The following LHX4 variants were observed in gnomAD, a reference collection of about 807,000 sequenced individuals.
LHX4 encodes LIM/homeobox protein Lhx4.
Under a neutral mutation model 39.2 loss-of-function variants are expected in LHX4, and 16 were observed. The observed-to-expected ratio is 0.41, with a 90% confidence interval of 0.28 to 0.62. LHX4 has a LOEUF of 0.62. Ranked by LOEUF, LHX4 falls within the 20% of genes least tolerant of loss-of-function variation. The pLI, the probability that LHX4 is intolerant of heterozygous loss-of-function variation, is 0.33. For missense variants in LHX4, 439 were observed against 511.9 expected (o/e 0.86, Z 1.37); for synonymous variants, 206 against 198.1 (o/e 1.04, Z -0.33).
At chr1:180,236,160 A>C (rs1244983077) in intron 1 of LHX4, among the ~76,000 whole-genome samples, 1 of 151,140 alleles carries the variant, frequency 6.6e-6, no homozygotes, top group East Asian at 1.9e-4. Flanking sequence ...ACAGGGCTGC[A>C]AATACCAGGG....
At chr1:180,253,924 CG>C (rs980212207) in intron 2 of LHX4, among the ~76,000 whole-genome samples, 1 of 152,118 alleles carries the variant, frequency 6.6e-6, no homozygotes, top group African/African-American at 2.4e-5. Flanking sequence ...CCTGGCAGAA[CG>C]GGGTGGGCTG....
At chr1:180,235,143 A>C (rs909288624) in intron 1 of LHX4, among the ~76,000 whole-genome samples, 2 of 152,258 alleles carry the variant, frequency 1.3e-5, no homozygotes, top group African/African-American at 4.8e-5. Context: ...GTCGTAGCCC[A>C]GAAGGGGACA....
At chr1:180,235,603 G>T (rs916370005) in intron 1 of LHX4, among the ~76,000 whole-genome samples, 6 of 152,366 alleles carry the variant, frequency 3.9e-5, no homozygotes, top group African/African-American at 1.4e-4. Flanking sequence ...CGCGCGTTCT[G>T]CGGGTGTTCG....
intron 2 of LHX4, among the ~76,000 whole-genome samples, chr1:180,249,384 A>C (rs150992750): frequency 1.3e-3 from 205 of 152,328 alleles, no homozygotes; most frequent in African/African-American, 4.7e-3. Flanking sequence ...TCTATTACCC[A>C]AGGCAGTGAT....
intron 3 of LHX4, among the ~76,000 whole-genome samples, chr1:180,269,142 G>T (rs183076): frequency 0.026 from 17 of 656 alleles, no homozygotes; most frequent in Non-Finnish European, 0.034. Context: ...AGAGTGTGTG[G>T]GGGGGGGGGT....
intron 4 of LHX4, 120 bp from the exon 5 acceptor site, chr1:180,271,715 T>A: frequency 1.5e-6 from 2 of 1,310,646 alleles, no homozygotes; most frequent in Non-Finnish European, 1.1e-6. Flanking sequence ...CGCATCGCAC[T>A]CCCAGACCTG....
At chr1:180,229,717 G>T (rs1416522544), upstream of LHX4, among the ~76,000 whole-genome samples, 1 of 151,838 alleles carries the variant, frequency 6.6e-6, no homozygotes, top group South Asian at 2.1e-4. Flanking sequence ...AAGACACAGC[G>T]ACGCAGCCCC....
At position 180,232,788 on chromosome 1, in the gene LHX4, C is replaced by A. The variant is rs1382351183; in HGVS notation, c.76+2183C>A. On this transcript the variant is annotated intron_variant, in intron 1 of 5. Coordinates refer to ENST00000263726, the MANE Select transcript of LHX4 (RefSeq NM_033343.4). This position sits in a 1 kb window ranked among gnomAD's most constrained non-coding sequence, Gnocchi z 5.4. ...TAGGTCCCCATCACCCACATATACA[C>A]AACTATTAGTTTTCTTGGGACTGGG... is the stretch of plus-strand genomic sequence containing the variant. 1.3e-5 allele frequency among the ~76,000 whole-genome samples: 2 copies of A among 152,234 alleles called. No homozygotes were observed. Among genetic ancestry groups the A allele is most frequent in the African/African-American group, 4.8e-5 (2 of 41,454 alleles).
At chr1:180,256,299 C>T (rs1363496596) in intron 2 of LHX4, among the ~76,000 whole-genome samples, 2 of 152,236 alleles carry the variant, frequency 1.3e-5, no homozygotes, top group East Asian at 3.9e-4. Context: ...CTGGCTCAGC[C>T]TTACTCCCTG....
intron 1 of LHX4, among the ~76,000 whole-genome samples, chr1:180,243,362 C>T (rs1387423291): frequency 2.0e-5 from 3 of 151,976 alleles, no homozygotes; most frequent in Admixed American, 6.5e-5. Flanking sequence ...TCCTCGACGC[C>T]TCCTCCCTCA....
chr1:180,229,652 ACGGAGCGCGCTCCGTCCGG>A (rs543590208), upstream of LHX4, among the ~76,000 whole-genome samples: 106 of 151,768 alleles, frequency 7.0e-4, no homozygotes, highest in African/African-American at 2.3e-3. Flanking sequence ...GTCATCGGTT[ACGGAGCGCGCTCCGTCCGG>A]CGGAGCGAAG....
chr1:180,243,296 G>C (rs1043973230), intron 1 of LHX4, among the ~76,000 whole-genome samples: 7 of 151,908 alleles, frequency 4.6e-5, no homozygotes, highest in Admixed American at 3.9e-4. Context: ...TGTAAGGGGA[G>C]GGGAGGGGAG....
At chr1:180,261,525 T>C (rs960722747) in intron 2 of LHX4, among the ~76,000 whole-genome samples, 1 of 152,146 alleles carries the variant, frequency 6.6e-6, no homozygotes, top group African/African-American at 2.4e-5. Flanking sequence ...CATGGTGGCA[T>C]GTGCCTGTGA....
chr1:180,232,981 GT>G lies in LHX4; in HGVS notation c.76+2379del, dbSNP rs896883135. Among the ~76,000 whole-genome samples the G allele has an allele frequency of 2.0e-5, 3 of 152,186 alleles. No homozygotes were observed. Among genetic ancestry groups the G allele is most frequent in the Non-Finnish European group, 4.4e-5 (3 of 68,024 alleles). ...AGGGTTTCCCTCTCAACACAGACAT[GT>G]TTGCCTCTTCATCACATGGAGTCAC... On this transcript the variant is annotated intron_variant, in intron 1 of 5. Transcript: ENST00000263726. This position sits in a 1 kb window ranked among gnomAD's most constrained non-coding sequence, Gnocchi z 5.4.
intron 1 of LHX4, among the ~76,000 whole-genome samples, chr1:180,235,511 A>C (rs751930859): frequency 3.3e-5 from 5 of 152,202 alleles, no homozygotes; most frequent in Non-Finnish European, 7.4e-5. Flanking sequence ...GTGACTGTTT[A>C]ACCCTGGGAA....
intron 2 of LHX4, among the ~76,000 whole-genome samples, chr1:180,255,153 C>T (rs564741508): frequency 4.6e-5 from 7 of 152,392 alleles, no homozygotes; most frequent in East Asian, 3.9e-4. Flanking sequence ...CGGCAGCCCG[C>T]GCCTGGGTGG....
intron 1 of LHX4, 132 bp from the exon 2 acceptor site, chr1:180,248,153 T>C (rs2149256358): frequency 2.5e-6 from 2 of 812,620 alleles, no homozygotes; most frequent in South Asian, 1.5e-5. Context: ...TACAACTATA[T>C]GCAACAGCTC....
At chr1:180,259,417 G>A (rs547911086) in intron 2 of LHX4, among the ~76,000 whole-genome samples, 49 of 151,946 alleles carry the variant, frequency 3.2e-4, no homozygotes, top group Non-Finnish European at 6.3e-4. Flanking sequence ...ACGTGAGAAG[G>A]AATGAGCTGT....
At chr1:180,263,291 G>A (rs775658737) in intron 2 of LHX4, among the ~76,000 whole-genome samples, 1 of 152,192 alleles carries the variant, frequency 6.6e-6, no homozygotes, top group Non-Finnish European at 1.5e-5. Flanking sequence ...CTGTCGCAGG[G>A]CAAGTCATGT....
Sources: allele counts gnomAD v4.1 joint callset (sites outside exome capture counted in the v4.1 genomes callset), GRCh38; gene constraint gnomAD v4.1.1; non-coding constraint Gnocchi (gnomAD v3.1); transcripts MANE v1.5; gene names NCBI Gene and HGNC (gene_info 2026-07-23, HGNC 2026-07-21).